Variants in RYR3 observed in about 807,000 individuals in gnomAD.
RYR3 encodes brain ryanodine receptor-calcium release channel.
Under a neutral mutation model 584.3 loss-of-function variants are expected in RYR3, and 207 were observed. That is an observed-to-expected ratio of 0.35 (90% CI 0.32 to 0.40). The LOEUF is 0.40. Among genes scored for constraint, RYR3 ranks in the 10% least tolerant of loss-of-function variants. RYR3 has a pLI of 1.00. For synonymous variants in RYR3, 2,416 were observed against 2,248.5 expected (o/e 1.07, Z -2.11); for missense variants, 5,616 against 6,089.2 (o/e 0.92, Z 2.59).
intron 101 of RYR3, 62 bp from the exon 102 acceptor site, chr15:33,861,016 C>G (rs773501137): frequency 3.3e-6 from 4 of 1,221,330 alleles, no homozygotes; most frequent in Non-Finnish European, 4.7e-6. Flanking sequence ...AGAATCATGA[C>G]AGTTTTCTCT....
At chr15:33,753,787 G>A (rs770183140) in intron 57 of RYR3, among the ~76,000 whole-genome samples, 6 of 152,138 alleles carry the variant, frequency 3.9e-5, no homozygotes, top group Non-Finnish European at 5.9e-5. Flanking sequence ...AAAGACTCCC[G>A]TCGTCATTTT....
chr15:33,644,877 TG>T (rs1381359814), intron 28 of RYR3, among the ~76,000 whole-genome samples: 1 of 152,070 alleles, frequency 6.6e-6, no homozygotes, highest in Non-Finnish European at 1.5e-5. Context: ...CTGGGTGTGG[TG>T]GCTCACACGT....
chr15:33,534,375 TG>T (rs1218191741), intron 5 of RYR3, among the ~76,000 whole-genome samples: 4 of 152,222 alleles, frequency 2.6e-5, no homozygotes, highest in Non-Finnish European at 4.4e-5. Flanking sequence ...CACCCCAGCC[TG>T]GGGGAGAAGA....
chr15:33,604,092 G>T (rs568054558), intron 18 of RYR3, among the ~76,000 whole-genome samples: 2 of 152,336 alleles, frequency 1.3e-5, no homozygotes, highest in Non-Finnish European at 2.9e-5. Flanking sequence ...CCTGTCTGTT[G>T]TCCAAAGCGT....
At chr15:33,588,738 A>T (rs957796955) in intron 16 of RYR3, among the ~76,000 whole-genome samples, 1 of 152,230 alleles carries the variant, frequency 6.6e-6, no homozygotes, top group Non-Finnish European at 1.5e-5. Flanking sequence ...TTCACTTAAA[A>T]TTATAGCTTC....
intron 24 of RYR3, among the ~76,000 whole-genome samples, chr15:33,634,156 A>G (rs941652820): frequency 1.3e-5 from 2 of 151,966 alleles, no homozygotes; most frequent in African/African-American, 4.8e-5. Flanking sequence ...GGTTCAAGTG[A>G]TTCTCCTGCC....
intron 16 of RYR3, among the ~76,000 whole-genome samples, chr15:33,596,190 C>CT (rs979521333): frequency 5.0e-4 from 76 of 151,232 alleles, no homozygotes; most frequent in Non-Finnish European, 2.1e-4. Flanking sequence ...AACTTGTTCA[C>CT]TTTTTTTTAA....
rs562188843 is a variant in RYR3, at chr15:33,735,758, A to T, written c.7425-477A>T. On this transcript the variant is annotated intron_variant, in intron 48 of 103. Transcript: ENST00000634891. Reference sequence around the variant, plus strand: ...AGCCTTACCCCAAACAAATGATTCCAGTAGTGAGAATTTCATGGCCCAGAT... The same window carrying T: ...AGCCTTACCCCAAACAAATGATTCCTGTAGTGAGAATTTCATGGCCCAGAT... 7.0e-4 allele frequency among the ~76,000 whole-genome samples: 107 copies of T among 152,212 alleles called. 2 individuals carry two copies. The highest frequency in any genetic ancestry group is 1.1e-3 in the Non-Finnish European group (77 of 68,030).
At position 33,515,912 on chromosome 15, in the gene RYR3, G is replaced by A. The variant is rs555467793; in HGVS notation, c.279+12174G>A. On this transcript the variant is annotated intron_variant, in intron 3 of 103. Coordinates refer to ENST00000634891, the MANE Select transcript of RYR3 (RefSeq NM_001036.6). Reference sequence around the variant, plus strand: ...TGCGTATGTGTGTGTGTGCATAATAGATACCACTTCGCACTTCCTCACATT... The same window carrying A: ...TGCGTATGTGTGTGTGTGCATAATAAATACCACTTCGCACTTCCTCACATT... Among the ~76,000 whole-genome samples, 443 of 152,168 alleles carry A rather than the reference G, an allele frequency of 2.9e-3. 4 individuals are homozygous for A. Among genetic ancestry groups the A allele is most frequent in the Admixed American group, 4.5e-3 (69 of 15,284 alleles).
intron 97 of RYR3, 63 bp from the exon 98 acceptor site, chr15:33,854,701 AAT>A: frequency 6.5e-7 from 1 of 1,534,460 alleles, no homozygotes; most frequent in Non-Finnish European, 8.7e-7. Context: ...AATAAGAAAA[AAT>A]GTTTTATAAT....
intron 37 of RYR3, among the ~76,000 whole-genome samples, chr15:33,669,989 T>G (rs2063746337): frequency 6.6e-6 from 1 of 152,050 alleles, no homozygotes; most frequent in Admixed American, 6.6e-5. Context: ...TCTCAGCATT[T>G]GTGTTGCTTG....
At chr15:33,841,665 C>T (rs1388056850) in intron 90 of RYR3, 199 bp from the exon 91 acceptor site, 1 of 536,084 alleles carries the variant, frequency 1.9e-6, no homozygotes, top group Non-Finnish European at 3.3e-6. Context: ...TGATGTTCAC[C>T]AAGATCATGG....
At position 33,377,978 on chromosome 15, in the gene RYR3, C is replaced by T. The variant is rs1038840125; in HGVS notation, c.51+66882C>T. On this transcript the variant is annotated intron_variant, in intron 1 of 103. Transcript: ENST00000634891. ...GTATTTTTTTGTAGAGATGGGGTCT[C>T]ACCATATGGCCCAGGCTGGTCTTGA... is the stretch of plus-strand genomic sequence containing the variant. 2.0e-4 allele frequency among the ~76,000 whole-genome samples: 30 copies of T among 152,172 alleles called. 1 individual carries two copies. The East Asian group carries it at 5.2e-3, about 26-fold the overall frequency.
intron 89 of RYR3, chr15:33,840,455 G>A (rs1365174798): frequency 4.2e-6 from 1 of 239,800 alleles, no homozygotes; most frequent in East Asian, 1.1e-4. Context: ...GACAAGGCAA[G>A]AAGAAGCCTG....
intron 1 of RYR3, among the ~76,000 whole-genome samples, chr15:33,323,101 A>C (rs1233284945): frequency 6.6e-6 from 1 of 151,616 alleles, no homozygotes; most frequent in Non-Finnish European, 1.5e-5. Context: ...ATATGATATG[A>C]TATTTAATAC....
intron 1 of RYR3, among the ~76,000 whole-genome samples, chr15:33,353,142 G>C (rs1973505625): frequency 6.6e-6 from 1 of 152,094 alleles, no homozygotes; most frequent in Non-Finnish European, 1.5e-5. Context: ...TATTTAGCTT[G>C]AATTTAAATT....
chr15:33,459,967 T>G (rs989359656), intron 1 of RYR3, among the ~76,000 whole-genome samples: 19 of 152,254 alleles, frequency 1.2e-4, no homozygotes, highest in Non-Finnish European at 2.5e-4. Flanking sequence ...CAAGCAGTCA[T>G]GCTTAAATAA....
Position 33,681,785 on chromosome 15 carries a change from C to T in RYR3, c.5860+11229C>T, listed in dbSNP as rs564244355. 2.8e-4 allele frequency among the ~76,000 whole-genome samples: 43 copies of T among 152,232 alleles called. No individual in the cohort carries two copies. The South Asian group carries it at 8.3e-3, about 29-fold the overall frequency. On this transcript the variant is annotated intron_variant, in intron 38 of 103. Coordinates refer to ENST00000634891, the MANE Select transcript of RYR3 (RefSeq NM_001036.6). The stretch of plus-strand genomic sequence containing the variant: ...TAAGTGTGGTGCAATTTTGTTTGCT[C>T]CCTCTTCTCAAAGTGATTGGATGAC...
chr15:33,765,247 T>A (rs1357423715), intron 60 of RYR3, among the ~76,000 whole-genome samples: 1 of 152,094 alleles, frequency 6.6e-6, no homozygotes, highest in Non-Finnish European at 1.5e-5. Flanking sequence ...AAAAGATGGA[T>A]TCTACTGTGC....
Sources: gnomAD v4.1 joint callset for allele counts (sites outside exome capture counted in the v4.1 genomes callset) on GRCh38, gnomAD v4.1.1 for gene constraint, MANE v1.5 for transcripts, NCBI Gene and HGNC (gene_info 2026-07-23, HGNC 2026-07-21) for gene names.